The following PBX3 variants were observed in gnomAD, a reference collection of about 807,000 sequenced individuals.
The protein encoded by PBX3 is pre-B-cell leukemia transcription factor 3.
PBX3 carries 14 observed loss-of-function variants against 48.5 expected under a neutral mutation model. That is an observed-to-expected ratio of 0.29 (90% confidence interval 0.19 to 0.45). The LOEUF (loss-of-function observed/expected upper bound fraction) is 0.45, where lower values mean the gene tolerates loss of function less well. PBX3 is among the 20% of genes least tolerant of loss of function. The pLI, the probability that PBX3 is intolerant of heterozygous loss-of-function variation, is 1.00. For missense variants in PBX3, 386 were observed against 546.7 expected (o/e 0.71, Z 2.93); for synonymous variants, 210 against 200.3 (o/e 1.05, Z -0.41).
In PBX3 at chr9:125,759,671, C is replaced by T. The variant is rs571358229; in HGVS notation, c.274+11048C>T. 3.3e-5 allele frequency among the ~76,000 whole-genome samples: 5 copies of T among 152,298 alleles called. No homozygotes were observed. The highest frequency in any genetic ancestry group is 2.1e-4 in the South Asian group (1 of 4,828). ...TAAGTGTTTTTGTGGCCCTCTCATC[C>T]GTAGCTAGGAGCAGTTTGTGGACCG... On this transcript the variant is annotated intron_variant, in intron 2 of 8. Transcript: ENST00000373489. The surrounding 1 kb of genome is among the most constrained non-coding windows in gnomAD (Gnocchi z 4.2).
At chr9:125,892,967 A>T (rs1214704487) in intron 2 of PBX3, among the ~76,000 whole-genome samples, 1 of 152,208 alleles carries the variant, frequency 6.6e-6, no homozygotes, top group South Asian at 2.1e-4. Context: ...CGCTAGCATT[A>T]CAGAGCTTTA....
chr9:125,791,909 T>G (rs1837622358), intron 2 of PBX3, among the ~76,000 whole-genome samples: 1 of 151,842 alleles, frequency 6.6e-6, no homozygotes, highest in Non-Finnish European at 1.5e-5. Flanking sequence ...AAAAGTTTCC[T>G]TAAGCCTCTC....
chr9:125,787,024 C>T (rs533623024), intron 2 of PBX3, among the ~76,000 whole-genome samples: 5 of 151,904 alleles, frequency 3.3e-5, no homozygotes, highest in African/African-American at 1.2e-4. Context: ...TGTGTCTAGC[C>T]TATTTTTAGT....
At chr9:125,939,600 G>GT (rs1841914642) in intron 5 of PBX3, among the ~76,000 whole-genome samples, 1 of 152,116 alleles carries the variant, frequency 6.6e-6, no homozygotes, top group Admixed American at 6.5e-5. Flanking sequence ...CCTCTTGTCT[G>GT]TATTTCAGGA....
In PBX3 at chr9:125,963,158, TAAAG is replaced by T. The variant is rs1842467095; in HGVS notation, c.1212+61_1212+64del. On this transcript the variant is annotated intron_variant, in intron 8 of 8. Coordinates refer to ENST00000373489, the MANE Select transcript of PBX3 (RefSeq NM_006195.6). ...ACAGTGTCAGGTAAACAGTGACTAA[TAAAG>T]AAATTAATAGCCATTTGACCTGGCT... is the stretch of plus-strand genomic sequence containing the variant. 5.5e-6 allele frequency: 5 copies of T among 904,220 alleles called. 1 individual carries two copies. The South Asian group carries it at 7.2e-5, about 13-fold the overall frequency. The allele number at this position is 904,220 out of a possible 1,614,324, so 56.0% of individuals were successfully genotyped here. A position where few individuals can be genotyped will look rare whatever the true frequency, so the allele number is the denominator to read the frequency against.
chr9:125,810,089 T>A (rs528524400), intron 2 of PBX3, among the ~76,000 whole-genome samples: 1 of 152,316 alleles, frequency 6.6e-6, no homozygotes, highest in East Asian at 1.9e-4. Context: ...TTGGCTGAAC[T>A]GAGCCACATA....
chr9:125,786,206 C>T (rs558590168), intron 2 of PBX3, among the ~76,000 whole-genome samples: 265 of 152,272 alleles, frequency 1.7e-3, no homozygotes, highest in Non-Finnish European at 2.7e-3. Flanking sequence ...GAGCTTGAAT[C>T]TTTCTTTCTA....
intron 2 of PBX3, among the ~76,000 whole-genome samples, chr9:125,867,242 A>C (rs1286378918): frequency 1.3e-5 from 2 of 152,150 alleles, no homozygotes; most frequent in Non-Finnish European, 2.9e-5. Context: ...AAAAAAAATC[A>C]ATTATTTGAA....
chr9:125,790,045 C>G (rs936705244), intron 2 of PBX3, among the ~76,000 whole-genome samples: 4 of 151,988 alleles, frequency 2.6e-5, no homozygotes, highest in Non-Finnish European at 5.9e-5. Context: ...ATCAAATGGA[C>G]AAGTTATCTG....
intron 2 of PBX3, among the ~76,000 whole-genome samples, chr9:125,753,211 A>G (rs1433322157): frequency 6.6e-6 from 1 of 152,190 alleles, no homozygotes; most frequent in Non-Finnish European, 1.5e-5. Context: ...GGAAAAATAC[A>G]AAGTCAGAGT....
intron 2 of PBX3, among the ~76,000 whole-genome samples, chr9:125,890,952 C>T (rs1020118869): frequency 6.6e-6 from 1 of 152,180 alleles, no homozygotes; most frequent in Non-Finnish European, 1.5e-5. Context: ...GGAGCAATCA[C>T]ACTGAAAATT....
intron 2 of PBX3, among the ~76,000 whole-genome samples, chr9:125,768,358 TC>T (rs773852914): frequency 3.3e-5 from 5 of 152,186 alleles, no homozygotes; most frequent in Non-Finnish European, 7.3e-5. Context: ...AACTTTTTGA[TC>T]TTAGGACTCC....
intron 8 of PBX3, 72 bp downstream of exon 8, chr9:125,963,173 C>A: frequency 4.0e-6 from 3 of 757,150 alleles, no homozygotes; most frequent in Non-Finnish European, 6.4e-6. Flanking sequence ...AAATTAATAG[C>A]CATTTGACCT....
At chr9:125,815,080 T>C (rs1422438221) in intron 2 of PBX3, among the ~76,000 whole-genome samples, 1 of 152,196 alleles carries the variant, frequency 6.6e-6, no homozygotes, top group Non-Finnish European at 1.5e-5. Context: ...CCTCACAACC[T>C]GAAGAATTAT....
At chr9:125,879,034 A>G (rs1273218430) in intron 2 of PBX3, among the ~76,000 whole-genome samples, 8 of 151,994 alleles carry the variant, frequency 5.3e-5, no homozygotes, top group Non-Finnish European at 1.0e-4. Flanking sequence ...CACTGCTGTC[A>G]AAACTTTTCC....
rs76582973 is a variant in PBX3, at chr9:125,772,876, G to A, written c.274+24253G>A. Reference sequence around the variant, plus strand: ...AGCCCAGGAGTTTGAGACCAGTCTGGGCAACATGGGGTGACACCATCTCTA... The same window carrying A: ...AGCCCAGGAGTTTGAGACCAGTCTGAGCAACATGGGGTGACACCATCTCTA... On this transcript the variant is annotated intron_variant, in intron 2 of 8. Transcript: ENST00000373489. 2.7e-3 allele frequency among the ~76,000 whole-genome samples: 407 copies of A among 152,218 alleles called. 1 individual carries two copies. Among genetic ancestry groups the A allele is most frequent in the African/African-American group, 9.4e-3 (390 of 41,518 alleles).
At chr9:125,755,143 T>C (rs1444447138) in intron 2 of PBX3, among the ~76,000 whole-genome samples, 1 of 152,108 alleles carries the variant, frequency 6.6e-6, no homozygotes, top group African/African-American at 2.4e-5. Flanking sequence ...GCATATTTCT[T>C]AGGCTTCAGA....
chr9:125,965,989 A>G lies in PBX3; in HGVS notation c.*66A>G. On this transcript the variant is annotated 3_prime_UTR_variant, in exon 9 of 9. Transcript: ENST00000373489. ...GTGCATTCAGAGCAATAGGAGGAAAAGGAAAGCGTTTTTGTAGCCCACCAT... is the reference window on the plus strand; with the variant it reads ...GTGCATTCAGAGCAATAGGAGGAAAGGGAAAGCGTTTTTGTAGCCCACCAT... 1.6e-6 allele frequency: 2 copies of G among 1,222,716 alleles called. No individual in the cohort carries two copies. Among genetic ancestry groups the G allele is most frequent in the Non-Finnish European group, 2.4e-6 (2 of 835,620 alleles). The allele number at this position is 1,222,716 out of a possible 1,614,324, so 75.7% of individuals were successfully genotyped here.
chr9:125,914,519 TG>T (rs984061550), intron 2 of PBX3, among the ~76,000 whole-genome samples: 4 of 151,976 alleles, frequency 2.6e-5, no homozygotes, highest in African/African-American at 9.7e-5. Context: ...GGTGATCAGT[TG>T]AGTACTTGGC....
Sources: allele counts gnomAD v4.1 joint callset (sites outside exome capture counted in the v4.1 genomes callset), GRCh38; gene constraint gnomAD v4.1.1; non-coding constraint Gnocchi (gnomAD v3.1); transcripts MANE v1.5; gene names NCBI Gene and HGNC (gene_info 2026-07-23, HGNC 2026-07-21).